Variants in COL13A1 observed in about 807,000 individuals in gnomAD.
COL13A1 encodes the protein collagen type XIII alpha 1 chain.
COL13A1 carries 89 observed loss-of-function variants against 130.9 expected under a neutral mutation model. That is an observed-to-expected ratio of 0.68 (90% CI 0.57 to 0.81). The LOEUF (loss-of-function observed/expected upper bound fraction) is 0.81. COL13A1 is among the 30% of genes least tolerant of loss of function. The probability of loss-of-function intolerance (pLI) is 0.00; values close to 1 mark genes in which losing one functional copy is unlikely to be tolerated. For missense variants in COL13A1, 879 were observed against 934.6 expected (o/e 0.94, Z 0.78); for synonymous variants, 402 against 341.6 (o/e 1.18, Z -1.95).
intron 28 of COL13A1, among the ~76,000 whole-genome samples, chr10:69,929,304 G>A (rs1417990328): frequency 1.3e-5 from 2 of 151,720 alleles, no homozygotes; most frequent in East Asian, 1.9e-4. Context: ...CAGGGACCTC[G>A]GCATCTGAGC....
intron 5 of COL13A1, among the ~76,000 whole-genome samples, chr10:69,876,359 G>A (rs1017413491): frequency 6.6e-6 from 1 of 152,144 alleles, no homozygotes; most frequent in East Asian, 1.9e-4. Flanking sequence ...CACCCCCACT[G>A]GCCTTGCAGC....
chr10:69,917,195 C>T (rs904379321), intron 17 of COL13A1, 94 bp from the exon 18 acceptor site: 23 of 1,510,912 alleles, frequency 1.5e-5, no homozygotes, highest in Non-Finnish European at 2.1e-5. Flanking sequence ...ACAGCCATCC[C>T]AGCCTCCAGA....
chr10:69,905,961 C>T, intron 17 of COL13A1, 139 bp downstream of exon 17: 1 of 910,890 alleles, frequency 1.1e-6, no homozygotes, highest in South Asian at 1.7e-5. Context: ...TTCTCACTGG[C>T]CCCCCGAGGG....
At chr10:69,919,610 C>T in intron 20 of COL13A1, 55 bp from the exon 21 acceptor site, 2 of 398,882 alleles carry the variant, frequency 5.0e-6, no homozygotes, top group East Asian at 7.1e-5. Context: ...GCCCATCCTA[C>T]CCCTCACTGC....
At chr10:69,832,577 T>C (rs1454256099) in intron 2 of COL13A1, among the ~76,000 whole-genome samples, 2 of 152,102 alleles carry the variant, frequency 1.3e-5, no homozygotes. Context: ...AATCCAGTTA[T>C]TTTGTAGAAG....
intron 2 of COL13A1, among the ~76,000 whole-genome samples, chr10:69,830,186 A>G (rs1257797792): frequency 6.6e-6 from 1 of 152,212 alleles, no homozygotes; most frequent in Non-Finnish European, 1.5e-5. Context: ...GTATCTGGTA[A>G]AGTAAAGAAT....
At chr10:69,845,957 G>A (rs1852915779) in intron 2 of COL13A1, among the ~76,000 whole-genome samples, 1 of 152,248 alleles carries the variant, frequency 6.6e-6, no homozygotes, top group Admixed American at 6.5e-5. Context: ...CTGGACAAGG[G>A]TTTCCTGGAG....
At chr10:69,938,008 G>A (rs1304138934) in intron 34 of COL13A1, among the ~76,000 whole-genome samples, 1 of 152,236 alleles carries the variant, frequency 6.6e-6, no homozygotes, top group Non-Finnish European at 1.5e-5. Flanking sequence ...TGGTTCAGAA[G>A]CAATCAAAGC....
intron 17 of COL13A1, 99 bp downstream of exon 17, chr10:69,905,921 G>A (rs117258552): frequency 0.013 from 17,316 of 1,317,102 alleles, 349 homozygotes; most frequent in Admixed American, 0.09. Context: ...TCCAACCTAG[G>A]TGGCTGTGCC....
intron 14 of COL13A1, among the ~76,000 whole-genome samples, chr10:69,899,748 G>A (rs1475167827): frequency 6.6e-6 from 1 of 152,196 alleles, no homozygotes; most frequent in Non-Finnish European, 1.5e-5. Context: ...CTTGATTCCA[G>A]GCTGGCTGGC....
At chr10:69,805,444 G>A (rs535314454) in intron 1 of COL13A1, among the ~76,000 whole-genome samples, 1 of 152,310 alleles carries the variant, frequency 6.6e-6, no homozygotes, top group Admixed American at 6.5e-5. Context: ...GGCCTTGTCT[G>A]TGCTCCTGGA....
At chr10:69,823,259 G>A (rs571776004) in intron 2 of COL13A1, among the ~76,000 whole-genome samples, 3 of 152,292 alleles carry the variant, frequency 2.0e-5, no homozygotes, top group South Asian at 2.1e-4. Flanking sequence ...AATTTTCTAG[G>A]TGCCTGTTAC....
At chr10:69,844,442 G>C (rs916375777) in intron 2 of COL13A1, among the ~76,000 whole-genome samples, 3 of 152,184 alleles carry the variant, frequency 2.0e-5, no homozygotes, top group African/African-American at 7.2e-5. Flanking sequence ...GAGATACAGA[G>C]AGATGAGACG....
chr10:69,816,062 C>G (rs1184708839), intron 1 of COL13A1, among the ~76,000 whole-genome samples: 1 of 151,372 alleles, frequency 6.6e-6, no homozygotes, highest in Non-Finnish European at 1.5e-5. Flanking sequence ...GTAGAGAAAG[C>G]CCAGCATGTA....
intron 17 of COL13A1, among the ~76,000 whole-genome samples, chr10:69,908,495 T>C (rs908412098): frequency 6.6e-6 from 1 of 151,922 alleles, no homozygotes; most frequent in Non-Finnish European, 1.5e-5. Flanking sequence ...CAGCAGAGGG[T>C]CTCCAGGCAT....
intron 36 of COL13A1, among the ~76,000 whole-genome samples, chr10:69,944,480 A>G (rs918128587): frequency 3.9e-5 from 6 of 151,978 alleles, no homozygotes; most frequent in Admixed American, 1.3e-4. Flanking sequence ...ACATAGCGCA[A>G]CCCAGACTCT....
At chr10:69,918,805 C>T (rs147019152) in intron 19 of COL13A1, among the ~76,000 whole-genome samples, 7 of 152,206 alleles carry the variant, frequency 4.6e-5, no homozygotes, top group African/African-American at 1.7e-4. Context: ...TCCTCTCTTT[C>T]CTCCTGGGCT....
At chr10:69,905,253 C>T (rs1336338546) in intron 16 of COL13A1, among the ~76,000 whole-genome samples, 1 of 152,146 alleles carries the variant, frequency 6.6e-6, no homozygotes, top group Non-Finnish European at 1.5e-5. Flanking sequence ...AAGCTCATGC[C>T]CAGAACACCG....
chr10:69,880,508 C>T lies in COL13A1; in HGVS notation c.468C>T (p.Ser156=), dbSNP rs1311789070. 7 of 1,611,128 alleles carry T rather than the reference C, an allele frequency of 4.3e-6. No homozygotes were observed. The highest frequency in any genetic ancestry group is 5.9e-6 in the Non-Finnish European group (7 of 1,177,510). ...CCCTTCCTCTCTCCCCGCAGGGGTC[C>T]CCCGGAGACGCTGGGCTGTCCATCA... is the stretch of plus-strand genomic sequence containing the variant. The part of the protein sequence containing the change: ...GVKGQPGEKG[S]PGDAGLSIIG... The change falls in exon 7 of 41, where the codon TCC becomes TCT. Residue 156 remains serine, a synonymous_variant. Transcript: ENST00000645393.
Sources: allele counts gnomAD v4.1 joint callset (sites outside exome capture counted in the v4.1 genomes callset), GRCh38; gene constraint gnomAD v4.1.1; transcripts MANE v1.5; gene names NCBI Gene and HGNC (gene_info 2026-07-23, HGNC 2026-07-21).